ANKS1B: variants seen among roughly 807,000 people sequenced by gnomAD.
The protein encoded by ANKS1B is ankyrin repeat and sterile alpha motif domain containing 1B, also known as ankyrin repeat and sterile alpha motif domain-containing protein 1B.
ANKS1B carries 36 observed loss-of-function variants against 148.3 expected under a neutral mutation model. The observed-to-expected ratio is 0.24, with a 90% CI of 0.19 to 0.32. The LOEUF (loss-of-function observed/expected upper bound fraction) is 0.32, where lower values mean the gene tolerates loss of function less well. ANKS1B is among the 10% of genes least tolerant of loss of function. The pLI, the probability that ANKS1B is intolerant of heterozygous loss-of-function variation, is 1.00. For missense variants in ANKS1B, 1,157 were observed against 1,542.6 expected, an observed-to-expected ratio of 0.75 and a Z score of 4.19; for synonymous variants, 542 against 560.8, an observed-to-expected ratio of 0.97 and a Z score of 0.47.
intron 7 of ANKS1B, 32 bp from the exon 8 acceptor site, chr12:99,773,120 A>G: frequency 6.4e-7 from 1 of 1,568,278 alleles, no homozygotes; most frequent in South Asian, 1.2e-5. Flanking sequence ...AAGTTTCAAG[A>G]AAGGCTATTG....
intron 8 of ANKS1B, among the ~76,000 whole-genome samples, chr12:99,666,356 G>A (rs1040687202): frequency 1.2e-4 from 19 of 152,182 alleles, no homozygotes; most frequent in African/African-American, 4.6e-4. Context: ...GCTTGGGATT[G>A]TAGTCCATAG....
chr12:99,753,416 C>T (rs912214587), intron 8 of ANKS1B, among the ~76,000 whole-genome samples: 18 of 152,030 alleles, frequency 1.2e-4, no homozygotes, highest in African/African-American at 1.7e-4. Context: ...GTAACAGAAT[C>T]GGAAGATCTT....
At chr12:99,177,246 A>C (rs544292754) in intron 14 of ANKS1B, among the ~76,000 whole-genome samples, 3 of 152,332 alleles carry the variant, frequency 2.0e-5, no homozygotes, top group African/African-American at 7.2e-5. Flanking sequence ...CATGCTGTTT[A>C]ATAAAGTGTT....
chr12:99,230,894 G>A (rs1490791399), intron 14 of ANKS1B, among the ~76,000 whole-genome samples: 1 of 151,998 alleles, frequency 6.6e-6, no homozygotes, highest in Non-Finnish European at 1.5e-5. Context: ...ATCCTCTCTT[G>A]ATTTAGATAA....
chr12:99,593,915 C>A (rs529776999), intron 9 of ANKS1B, among the ~76,000 whole-genome samples: 4 of 152,006 alleles, frequency 2.6e-5, no homozygotes, highest in African/African-American at 9.6e-5. Context: ...CCTGTATACA[C>A]ATTATCATTT....
At chr12:99,590,698 A>G (rs1179684501) in intron 9 of ANKS1B, among the ~76,000 whole-genome samples, 2 of 152,222 alleles carry the variant, frequency 1.3e-5, no homozygotes, top group Non-Finnish European at 2.9e-5. Flanking sequence ...AACACTGCTC[A>G]AGGTAGAAAA....
chr12:99,009,259 C>A (rs938521147), intron 17 of ANKS1B, among the ~76,000 whole-genome samples: 2 of 152,170 alleles, frequency 1.3e-5, no homozygotes, highest in Non-Finnish European at 2.9e-5. Context: ...TTAAACAAAT[C>A]TAAACATTCT....
In ANKS1B at chr12:99,555,943, C is replaced by A. The variant is rs577972270; in HGVS notation, c.1273-51302G>T. ...GTTTTGGTATCAGGATGATGCTGGACTCACAGAATGAGCTGGAGAGAAGTC... is the reference window on the plus strand; with the variant it reads ...GTTTTGGTATCAGGATGATGCTGGAATCACAGAATGAGCTGGAGAGAAGTC... On this transcript the variant is annotated intron_variant, in intron 9 of 26. Transcript: ENST00000683438. Among the ~76,000 whole-genome samples the A allele has an allele frequency of 2.6e-5, 4 of 152,272 alleles. No homozygotes were observed. In the South Asian group the frequency reaches 8.3e-4, roughly 32 times the overall value.
At chr12:99,430,016 T>C (rs1446358745) in intron 11 of ANKS1B, among the ~76,000 whole-genome samples, 2 of 150,444 alleles carry the variant, frequency 1.3e-5, no homozygotes, top group African/African-American at 4.9e-5. Context: ...TAATGAGGCA[T>C]TAGAACAGCA....
intron 8 of ANKS1B, among the ~76,000 whole-genome samples, chr12:99,767,405 TA>T (rs146590603): frequency 6.8e-5 from 10 of 147,854 alleles, no homozygotes; most frequent in Non-Finnish European, 7.5e-5. Context: ...TACAAATGTT[TA>T]AAAAAAAAAC....
intron 25 of ANKS1B, among the ~76,000 whole-genome samples, chr12:98,756,346 T>G (rs777359806): frequency 1.6e-4 from 24 of 152,082 alleles, no homozygotes; most frequent in Admixed American, 5.9e-4. Flanking sequence ...TGCCTTTGCT[T>G]CTTCTTTGTC....
intron 9 of ANKS1B, among the ~76,000 whole-genome samples, chr12:99,507,319 C>G (rs571841364): frequency 6.6e-4 from 100 of 152,002 alleles, no homozygotes; most frequent in African/African-American, 2.4e-3. Flanking sequence ...ATGAACACTT[C>G]TGAGGATTTT....
intron 17 of ANKS1B, among the ~76,000 whole-genome samples, chr12:99,040,465 A>T (rs2099958262): frequency 6.6e-6 from 1 of 152,198 alleles, no homozygotes; most frequent in Admixed American, 6.5e-5. Context: ...GGCTGAGAAC[A>T]TGAGGGAAAG....
intron 1 of ANKS1B, among the ~76,000 whole-genome samples, chr12:99,879,810 GGTAA>G (rs2092364861): frequency 6.6e-6 from 1 of 152,120 alleles, no homozygotes; most frequent in African/African-American, 2.4e-5. Flanking sequence ...TTTTGAAACA[GGTAA>G]GTCTCTAATT....
chr12:98,853,354 T>C (rs773658319), intron 17 of ANKS1B, among the ~76,000 whole-genome samples: 1 of 152,208 alleles, frequency 6.6e-6, no homozygotes, highest in Non-Finnish European at 1.5e-5. Context: ...GCAGGAATTA[T>C]ATGTGCTTCC....
At chr12:99,697,533 C>T (rs1346561249) in intron 8 of ANKS1B, among the ~76,000 whole-genome samples, 1 of 152,016 alleles carries the variant, frequency 6.6e-6, no homozygotes, top group Admixed American at 6.6e-5. Flanking sequence ...TCTGAAAAGG[C>T]AAAACTATGG....
intron 17 of ANKS1B, among the ~76,000 whole-genome samples, chr12:98,942,697 G>A (rs536637351): frequency 3.9e-5 from 6 of 152,306 alleles, no homozygotes; most frequent in Admixed American, 2.0e-4. Flanking sequence ...TGCTTTGCAC[G>A]CAGTGAGGGT....
At chr12:99,373,227 A>G (rs1314227307) in intron 12 of ANKS1B, among the ~76,000 whole-genome samples, 3 of 152,164 alleles carry the variant, frequency 2.0e-5, no homozygotes, top group Non-Finnish European at 2.9e-5. Context: ...AAAGGGCAGG[A>G]ATAGGCCATT....
chr12:99,075,550 T>C (rs80278869), intron 16 of ANKS1B, among the ~76,000 whole-genome samples: 2 of 152,206 alleles, frequency 1.3e-5, no homozygotes, highest in East Asian at 3.8e-4. Flanking sequence ...TGACTTGCTG[T>C]CACTTCAACA....
Sources: allele counts gnomAD v4.1 joint callset (sites outside exome capture counted in the v4.1 genomes callset), GRCh38; gene constraint gnomAD v4.1.1; transcripts MANE v1.5; gene names NCBI Gene and HGNC (gene_info 2026-07-23, HGNC 2026-07-21).